MAML1: variants seen among roughly 807,000 people sequenced by gnomAD.
MAML1 encodes mastermind like transcriptional coactivator 1.
Under a neutral mutation model 77.1 loss-of-function variants are expected in MAML1, and 14 were observed. That is an observed-to-expected ratio of 0.18 (90% confidence interval 0.12 to 0.28). The LOEUF (loss-of-function observed/expected upper bound fraction) is 0.28, where lower values mean the gene tolerates loss of function less well. MAML1 is among the 10% of genes least tolerant of loss of function. The probability of loss-of-function intolerance (pLI) is 1.00; values close to 1 mark genes in which losing one functional copy is unlikely to be tolerated. For missense variants in MAML1, 1,217 were observed against 1,327.8 expected (o/e 0.92, Z 1.30); for synonymous variants, 516 against 551.9 (o/e 0.93, Z 0.91).
At chr5:179,773,213 C>T (rs970017974) in intron 4 of MAML1, among the ~76,000 whole-genome samples, 1 of 152,226 alleles carries the variant, frequency 6.6e-6, no homozygotes, top group Non-Finnish European at 1.5e-5. Flanking sequence ...CCATCCACAG[C>T]TCTTCCCTAT....
At chr5:179,741,052 T>G (rs1438952553) in intron 1 of MAML1, among the ~76,000 whole-genome samples, 18 of 152,198 alleles carry the variant, frequency 1.2e-4, no homozygotes, top group Non-Finnish European at 2.9e-5. Flanking sequence ...TTTTCATCTT[T>G]CCAGGATATA....
intron 1 of MAML1, among the ~76,000 whole-genome samples, chr5:179,748,017 G>T (rs937730914): frequency 2.0e-5 from 3 of 151,980 alleles, no homozygotes; most frequent in African/African-American, 7.2e-5. Flanking sequence ...GTTGTTCATG[G>T]ATATAACTAG....
Position 179,733,401 on chromosome 5 carries a change from G to A in MAML1, c.289G>A (p.Gly97Ser). 1 of 1,151,764 alleles carries A rather than the reference G, an allele frequency of 8.7e-7. No homozygotes were observed. The highest frequency in any genetic ancestry group is 1.1e-6 in the Non-Finnish European group (1 of 941,586). The allele number at this position is 1,151,764 out of a possible 1,614,324, so 71.3% of individuals were successfully genotyped here. ...APAPRLDAADGPEHGRPATHL... is the reference protein window; with the variant it reads ...APAPRLDAADSPEHGRPATHL... ...GGCCCCGCGCCTGGACGCCGCTGAC[G>A]GCCCCGAGCACGGCCGCCCGGCCAC... Residue 97 changes from glycine to serine, a missense_variant, in exon 1 of 5, where the codon GGC becomes AGC. By Grantham distance (56) the Gly-to-Ser change is moderately conservative. Transcript: ENST00000292599.
chr5:179,751,784 G>T (rs927822984), intron 1 of MAML1, among the ~76,000 whole-genome samples: 2 of 152,022 alleles, frequency 1.3e-5, no homozygotes, highest in Admixed American at 1.3e-4. Context: ...GGCTGAACTG[G>T]GCAGATCACT....
chr5:179,737,879 C>T (rs1779203185), intron 1 of MAML1, among the ~76,000 whole-genome samples: 1 of 93,538 alleles, frequency 1.1e-5, no homozygotes, highest in Non-Finnish European at 3.0e-5. Context: ...GCACTACAGC[C>T]TTGAACTGCT....
At chr5:179,767,095 CTTTT>C (rs10707656) in intron 2 of MAML1, among the ~76,000 whole-genome samples, 37 of 100,940 alleles carry the variant, frequency 3.7e-4, no homozygotes, top group African/African-American at 1.1e-3. Context: ...AGAGGCTTGG[CTTTT>C]TTTTTTTTTT....
chr5:179,773,511 TCGCGCCC>T (rs1468423815), intron 4 of MAML1, among the ~76,000 whole-genome samples: 2 of 151,062 alleles, frequency 1.3e-5, no homozygotes, highest in African/African-American at 4.9e-5. Flanking sequence ...GCGCGCCCCA[TCGCGCCC>T]CATTGCGCCC....
At position 179,775,030 on chromosome 5, in the gene MAML1, G is replaced by A. The variant is rs972028341; in HGVS notation, c.*153G>A. ...CAGGTGAGGCCTGGCCCTGGGCAGG[G>A]TCTGTGGCTGCGCCCCTCAGGCCAG... On this transcript the variant is annotated 3_prime_UTR_variant, in exon 5 of 5. Transcript: ENST00000292599. 17 of 1,442,138 alleles carry A rather than the reference G, an allele frequency of 1.2e-5. No individual in the cohort carries two copies. The highest frequency in any genetic ancestry group is 1.4e-5 in the Non-Finnish European group (16 of 1,104,224). The allele number at this position is 1,442,138 out of a possible 1,614,324, so 89.3% of individuals were successfully genotyped here.
At position 179,765,778 on chromosome 5, in the gene MAML1, G is replaced by T; in HGVS notation, c.768G>T (p.Glu256Asp). ...LNEQEWKELI[E>D]ELNRSVPDED... The stretch of plus-strand genomic sequence containing the variant: ...AGCAGGAGTGGAAGGAGCTCATCGA[G>T]GAGCTGAACAGGTCGGTGCCCGATG... The change falls in exon 2 of 5, where the codon GAG (glutamate) becomes GAT (aspartate). Residue 256 changes from glutamate (E) to aspartate (D), a missense_variant. Physicochemically the swap from Glu to Asp is conservative, Grantham distance 45. Around this residue, in one of 3 missense-constraint regions of MAML1, gnomAD observed 21 missense variants for 47.1 expected, o/e 0.45. Transcript: ENST00000292599. The T allele has an allele frequency of 6.2e-7, 1 of 1,614,178 alleles. No homozygotes were observed. The highest frequency in any genetic ancestry group is 8.5e-7 in the Non-Finnish European group (1 of 1,180,024).
At chr5:179,734,093 C>T (rs1779120283) in intron 1 of MAML1, among the ~76,000 whole-genome samples, 1 of 152,088 alleles carries the variant, frequency 6.6e-6, no homozygotes, top group Non-Finnish European at 1.5e-5. Flanking sequence ...GATTGTTGGT[C>T]AATTATTACT....
chr5:179,741,279 T>C (rs1185266365), intron 1 of MAML1, among the ~76,000 whole-genome samples: 1 of 152,148 alleles, frequency 6.6e-6, no homozygotes, highest in Admixed American at 6.5e-5. Flanking sequence ...TCGCGGAGCC[T>C]AAGTGGGAGC....
Position 179,769,169 on chromosome 5 carries a change from C to G in MAML1, c.1971+80C>G. ...GTCACTGCTACAGTCACACCTTCTGCTTGTGCGTGTGGATTTGCGCAGACT... is the reference window on the plus strand; with the variant it reads ...GTCACTGCTACAGTCACACCTTCTGGTTGTGCGTGTGGATTTGCGCAGACT... On this transcript the variant is annotated intron_variant, in intron 3 of 4. Transcript: ENST00000292599. This position sits in a 1 kb window ranked among gnomAD's most constrained non-coding sequence, Gnocchi z 4.2. The G allele has an allele frequency of 6.4e-7, 1 of 1,568,676 alleles. No homozygotes were observed. The highest frequency in any genetic ancestry group is 8.7e-7 in the Non-Finnish European group (1 of 1,153,736).
intron 1 of MAML1, among the ~76,000 whole-genome samples, chr5:179,733,714 G>A (rs1247769604): frequency 1.3e-5 from 2 of 152,248 alleles, no homozygotes; most frequent in African/African-American, 4.8e-5. Flanking sequence ...TTGATTCCGG[G>A]ATGTTGAGAT....
At chr5:179,751,692 G>A (rs754878338) in intron 1 of MAML1, among the ~76,000 whole-genome samples, 2 of 151,786 alleles carry the variant, frequency 1.3e-5, no homozygotes, top group African/African-American at 2.4e-5. Flanking sequence ...GTGACAGAGC[G>A]AGACTCCATC....
chr5:179,777,219 A>G lies in MAML1; in HGVS notation c.*2342A>G. ...ACTGCCCTTAACTCTGGTATACACC[A>G]AAAAGAAATCTTTACTTTCCTTGTT... On this transcript the variant is annotated 3_prime_UTR_variant, in exon 5 of 5. Transcript: ENST00000292599. The G allele has an allele frequency of 1.0e-6, 1 of 968,536 alleles. No homozygotes were observed. The highest frequency in any genetic ancestry group is 1.2e-6 in the Non-Finnish European group (1 of 814,340). 60.0% of individuals were successfully genotyped at this position (968,536 alleles called of 1,614,324 possible).
chr5:179,773,834 A>G (rs922943961), intron 4 of MAML1, 61 bp from the exon 5 acceptor site: 19 of 1,540,882 alleles, frequency 1.2e-5, no homozygotes, highest in Non-Finnish European at 1.7e-5. Context: ...CTGCGGCTCG[A>G]GTCTCAGAGG....
intron 1 of MAML1, among the ~76,000 whole-genome samples, chr5:179,743,839 A>G (rs1233303903): frequency 2.6e-5 from 4 of 152,158 alleles, no homozygotes; most frequent in African/African-American, 9.7e-5. Flanking sequence ...TATAATTGCT[A>G]CATATATTTA....
At chr5:179,762,243 T>C (rs1779737029) in intron 1 of MAML1, among the ~76,000 whole-genome samples, 1 of 152,174 alleles carries the variant, frequency 6.6e-6, no homozygotes, top group Non-Finnish European at 1.5e-5. Flanking sequence ...CCTATAAGGC[T>C]AGTGCATGGT....
Position 179,769,099 on chromosome 5 carries a change from A to G in MAML1, c.1971+10A>G, listed in dbSNP as rs1007390697. On this transcript the variant is annotated intron_variant, in intron 3 of 4. Coordinates refer to ENST00000292599, the MANE Select transcript of MAML1 (RefSeq NM_014757.5). This position sits in a 1 kb window ranked among gnomAD's most constrained non-coding sequence, Gnocchi z 4.2. ...CCTTCTCGCGGAACAGGTAAAAAGA[A>G]AAGTGGAAGGAAACCACCGCTTCCC... 1.2e-6 allele frequency: 2 copies of G among 1,613,402 alleles called. No individual in the cohort carries two copies.
Sources: gnomAD v4.1 joint callset for allele counts (sites outside exome capture counted in the v4.1 genomes callset) on GRCh38, gnomAD v4.1.1 for gene constraint, gnomAD v4.1.1 regional missense constraint, Gnocchi (gnomAD v3.1) non-coding constraint, MANE v1.5 for transcripts, NCBI Gene and HGNC (gene_info 2026-07-23, HGNC 2026-07-21) for gene names.